CSMD3: variants seen among roughly 807,000 people sequenced by gnomAD.
CSMD3 encodes CUB and Sushi multiple domains 3.
Under a neutral mutation model 435.2 loss-of-function variants are expected in CSMD3, and 177 were observed. The observed-to-expected ratio is 0.41, with a 90% CI of 0.36 to 0.46. CSMD3 has a LOEUF of 0.46. CSMD3 is among the 20% of genes least tolerant of loss of function. The pLI, the probability that CSMD3 is intolerant of heterozygous loss-of-function variation, is 0.34. For synonymous variants in CSMD3, 1,656 were observed against 1,520.5 expected (o/e 1.09, Z -2.07); for missense variants, 4,265 against 4,504.6 (o/e 0.95, Z 1.52).
intron 34 of CSMD3, among the ~76,000 whole-genome samples, chr8:112,407,051 A>G (rs1831925328): frequency 6.6e-6 from 1 of 151,928 alleles, no homozygotes; most frequent in Admixed American, 6.6e-5. Context: ...ATGAAAACTG[A>G]AAGTTTTTTT....
chr8:113,133,763 C>A (rs934972944), intron 4 of CSMD3, among the ~76,000 whole-genome samples: 4 of 151,924 alleles, frequency 2.6e-5, no homozygotes, highest in African/African-American at 9.7e-5. Flanking sequence ...AGGAAGAAAA[C>A]CTTATCTCAC....
At chr8:112,644,274 C>T (rs1393511252) in intron 20 of CSMD3, among the ~76,000 whole-genome samples, 1 of 151,798 alleles carries the variant, frequency 6.6e-6, no homozygotes, top group Non-Finnish European at 1.5e-5. Flanking sequence ...CATACTTATA[C>T]ACTTCTAATT....
In CSMD3 at chr8:112,314,594, G is replaced by A. The variant is rs199998952; in HGVS notation, c.7384C>T (p.Arg2462Trp). ...AATATGACTCCAGTAGAATCTAGCC[G>A]TAATTCATTGGCAGGACAGAGCACT... Reference protein sequence around the residue: ...CQVLCPANELRLDSTGVILSP... With the variant: ...CQVLCPANELWLDSTGVILSP... Residue 2462 changes from arginine to tryptophan, a missense_variant, in exon 48 of 71, where the codon CGG (arginine) becomes TGG (tryptophan). Coordinates refer to ENST00000297405, the MANE Select transcript of CSMD3 (RefSeq NM_198123.2). 93 of 1,611,862 alleles carry A rather than the reference G, an allele frequency of 5.8e-5. No individual in the cohort carries two copies. The highest frequency in any genetic ancestry group is 9.4e-5 in the African/African-American group (7 of 74,806).
intron 3 of CSMD3, among the ~76,000 whole-genome samples, chr8:113,190,709 C>T (rs1337322835): frequency 2.0e-5 from 3 of 150,868 alleles, no homozygotes; most frequent in Non-Finnish European, 4.4e-5. Context: ...TCATCCCAAA[C>T]TTTGATCCCC....
rs73330509 is a variant in CSMD3 at position 112,561,426 on chromosome 8, T to C, written c.4043-4472A>G. 1.7e-3 allele frequency among the ~76,000 whole-genome samples: 262 copies of C among 151,698 alleles called. 2 individuals are homozygous for C. Among genetic ancestry groups the C allele is most frequent in the African/African-American group, 5.8e-3 (242 of 41,488 alleles). Reference sequence around the variant, plus strand: ...CCTTTCCTGCCACCGTGTAGCATATTTCTCCAAAGATATCTAATATATTTG... The same window carrying C: ...CCTTTCCTGCCACCGTGTAGCATATCTCTCCAAAGATATCTAATATATTTG... On this transcript the variant is annotated intron_variant, in intron 24 of 70. Coordinates refer to ENST00000297405, the MANE Select transcript of CSMD3 (RefSeq NM_198123.2).
intron 2 of CSMD3, among the ~76,000 whole-genome samples, chr8:113,291,536 C>G (rs1214274563): frequency 1.3e-5 from 2 of 151,762 alleles, no homozygotes; most frequent in East Asian, 3.9e-4. Flanking sequence ...AAAATACTGA[C>G]TACTTTCGAT....
Position 112,522,984 on chromosome 8 carries a change from G to T in CSMD3, c.4565-5759C>A, listed in dbSNP as rs139839301. ...AGAGATAAGTTGAATTACCATTGTGGTGACAAGAGCAAAAGAAAACACGCC... is the reference window on the plus strand; with the variant it reads ...AGAGATAAGTTGAATTACCATTGTGTTGACAAGAGCAAAAGAAAACACGCC... On this transcript the variant is annotated intron_variant, in intron 27 of 70. Transcript: ENST00000297405. Among the ~76,000 whole-genome samples the T allele has an allele frequency of 3.9e-3, 591 of 152,004 alleles. 3 individuals are homozygous for T. Among genetic ancestry groups the T allele is most frequent in the African/African-American group, 0.012 (508 of 41,542 alleles).
At chr8:113,039,984 T>C (rs963998842) in intron 5 of CSMD3, among the ~76,000 whole-genome samples, 1 of 152,050 alleles carries the variant, frequency 6.6e-6, no homozygotes, top group Non-Finnish European at 1.5e-5. Flanking sequence ...TGCATTCTTG[T>C]TGGAGAGGGA....
At chr8:112,270,190 T>A in intron 59 of CSMD3, among the ~76,000 whole-genome samples, 1 of 152,204 alleles carries the variant, frequency 6.6e-6, no homozygotes, top group Admixed American at 6.6e-5. Flanking sequence ...ATCTCTACTA[T>A]GGCCAAGCAT....
chr8:112,657,326 G>A (rs2131666789), intron 17 of CSMD3, among the ~76,000 whole-genome samples: 1 of 152,150 alleles, frequency 6.6e-6, no homozygotes, highest in Admixed American at 6.5e-5. Context: ...GCCTCCCAAA[G>A]TACTGGGATT....
chr8:112,934,241 G>T (rs991689848), intron 9 of CSMD3, among the ~76,000 whole-genome samples: 7 of 152,122 alleles, frequency 4.6e-5, no homozygotes, highest in African/African-American at 1.7e-4. Flanking sequence ...GAAGTAGCTA[G>T]TTCCTGCAAC....
At chr8:112,965,530 C>T (rs1017943735) in intron 7 of CSMD3, among the ~76,000 whole-genome samples, 9 of 151,844 alleles carry the variant, frequency 5.9e-5, no homozygotes, top group Admixed American at 2.0e-4. Flanking sequence ...AGAACATTGA[C>T]ATCAGAAATT....
intron 7 of CSMD3, among the ~76,000 whole-genome samples, chr8:112,958,544 T>G (rs527485174): frequency 6.6e-6 from 1 of 152,152 alleles, no homozygotes; most frequent in African/African-American, 2.4e-5. Context: ...AGGTTGTCCG[T>G]TGTCTTCAAG....
chr8:112,459,415 A>G (rs1260201190), intron 32 of CSMD3, among the ~76,000 whole-genome samples: 1 of 151,644 alleles, frequency 6.6e-6, no homozygotes. Flanking sequence ...ATATTTAATC[A>G]GTATGACGTG....
At chr8:112,363,475 A>G (rs1230188827) in intron 38 of CSMD3, among the ~76,000 whole-genome samples, 1 of 152,004 alleles carries the variant, frequency 6.6e-6, no homozygotes, top group Non-Finnish European at 1.5e-5. Context: ...AAGCATCCTG[A>G]GTCTTTCAAC....
chr8:112,554,284 A>G (rs1203206647), intron 25 of CSMD3, among the ~76,000 whole-genome samples: 1 of 151,960 alleles, frequency 6.6e-6, no homozygotes, highest in Admixed American at 6.6e-5. Flanking sequence ...TGATATACCC[A>G]TGGAGGGCTA....
intron 5 of CSMD3, among the ~76,000 whole-genome samples, chr8:113,030,013 AC>A (rs756595408): frequency 2.6e-5 from 4 of 151,502 alleles, no homozygotes; most frequent in Admixed American, 6.6e-5. Flanking sequence ...CAAGAACTGA[AC>A]CCCTTTTATA....
chr8:112,686,077 G>A (rs914460696), intron 14 of CSMD3, among the ~76,000 whole-genome samples: 1 of 152,064 alleles, frequency 6.6e-6, no homozygotes, highest in Admixed American at 6.5e-5. Flanking sequence ...AAGCAATAAG[G>A]TTCTTGAAAT....
At chr8:112,525,885 A>AAT (rs1329412609) in intron 27 of CSMD3, among the ~76,000 whole-genome samples, 2 of 140,442 alleles carry the variant, frequency 1.4e-5, no homozygotes, top group East Asian at 2.0e-4. Flanking sequence ...TATATATATA[A>AAT]ATATATATAT....
Sources: allele counts gnomAD v4.1 joint callset (sites outside exome capture counted in the v4.1 genomes callset), GRCh38; gene constraint gnomAD v4.1.1; transcripts MANE v1.5; gene names NCBI Gene and HGNC (gene_info 2026-07-23, HGNC 2026-07-21).